The following SLC22A23 variants were observed in gnomAD, a reference collection of about 807,000 sequenced individuals.
The protein encoded by SLC22A23 is solute carrier family 22 member 23.
A neutral mutation model predicts 61.0 loss-of-function variants in SLC22A23; 26 were observed. That is an observed-to-expected ratio of 0.43 (90% CI 0.31 to 0.59). The LOEUF is 0.59. Among genes scored for constraint, SLC22A23 ranks in the 20% least tolerant of loss-of-function variants. The pLI is 0.11. For missense variants in SLC22A23, 796 were observed against 934.7 expected, an observed-to-expected ratio of 0.85 and a Z score of 1.94; for synonymous variants, 430 against 413.9, an observed-to-expected ratio of 1.04 and a Z score of -0.47.
intron 6 of SLC22A23, among the ~76,000 whole-genome samples, chr6:3,288,281 A>G (rs1006010043): frequency 1.3e-5 from 2 of 152,054 alleles, no homozygotes; most frequent in Admixed American, 6.6e-5. Context: ...TCTCTCCCCA[A>G]ACACCCTTTC....
At chr6:3,423,670 T>C (rs746004651) in intron 1 of SLC22A23, among the ~76,000 whole-genome samples, 7 of 152,228 alleles carry the variant, frequency 4.6e-5, no homozygotes, top group Non-Finnish European at 8.8e-5. Flanking sequence ...CAGCTATTAA[T>C]GCCCTGCAAG....
At chr6:3,379,423 A>G (rs1766811127) in intron 3 of SLC22A23, among the ~76,000 whole-genome samples, 2 of 152,168 alleles carry the variant, frequency 1.3e-5, no homozygotes, top group African/African-American at 2.4e-5. Flanking sequence ...TGAGATGTGT[A>G]TCTCCTGCTA....
Position 3,436,392 on chromosome 6 carries a change from T to G in SLC22A23, c.654+19514A>C, listed in dbSNP as rs190348177. ...CTCAGGTGACCCGCCCACCTTGGCC[T>G]CCCAAAGTGCTGGGATTACAGGCGT... On this transcript the variant is annotated intron_variant, in intron 1 of 9. Transcript: ENST00000406686. Among the ~76,000 whole-genome samples the G allele has an allele frequency of 1.3e-3, 203 of 152,284 alleles. 1 individual carries two copies. The highest frequency in any genetic ancestry group is 4.5e-3 in the African/African-American group (189 of 41,560).
rs868534143 is a variant in SLC22A23, at chr6:3,317,141, C to T, written c.1082+6693G>A. 7.9e-5 allele frequency among the ~76,000 whole-genome samples: 12 copies of T among 152,196 alleles called. No individual in the cohort carries two copies. Among genetic ancestry groups the T allele is most frequent in the African/African-American group, 2.9e-4 (12 of 41,450 alleles). On this transcript the variant is annotated intron_variant, in intron 4 of 9. Coordinates refer to ENST00000406686, the MANE Select transcript of SLC22A23 (RefSeq NM_015482.2). This position sits in a 1 kb window ranked among gnomAD's most constrained non-coding sequence, Gnocchi z 4.4. ...TTGTCATTCCTCAATAGTGAATTCC[C>T]GCGCAGGAAACTTGATGTCACCCTG...
chr6:3,298,326 T>C, intron 4 of SLC22A23, 108 bp from the exon 5 acceptor site: 1 of 1,312,368 alleles, frequency 7.6e-7, no homozygotes, highest in Non-Finnish European at 1.0e-6. Context: ...GCGGTCAGTC[T>C]CCAGACACGC....
intron 3 of SLC22A23, among the ~76,000 whole-genome samples, chr6:3,371,906 C>CA (rs1766242659): frequency 6.6e-6 from 1 of 152,032 alleles, no homozygotes; most frequent in Non-Finnish European, 1.5e-5. Context: ...TAACCTCTGA[C>CA]ACAGCATCGA....
Position 3,304,683 on chromosome 6 carries a change from G to A in SLC22A23, c.1083-6465C>T, listed in dbSNP as rs1761849254. On this transcript the variant is annotated intron_variant, in intron 4 of 9. Transcript: ENST00000406686. The surrounding 1 kb of genome is among the most constrained non-coding windows in gnomAD (Gnocchi z 4.3). ...GGTGGTCCAGGGGCTGGTCAGGGGA[G>A]GCTCTGGAGAGGCCGGGCTCTGCTT... is the stretch of plus-strand genomic sequence containing the variant. Among the ~76,000 whole-genome samples the A allele has an allele frequency of 6.6e-6, 1 of 152,140 alleles. No homozygotes were observed. The highest frequency in any genetic ancestry group is 1.5e-5 in the Non-Finnish European group (1 of 68,026).
Position 3,289,875 on chromosome 6 carries a change from A to C in SLC22A23, c.1211-9T>G. 1 of 1,613,106 alleles carries C rather than the reference A, an allele frequency of 6.2e-7. No individual in the cohort carries two copies. The highest frequency in any genetic ancestry group is 8.5e-7 in the Non-Finnish European group (1 of 1,179,586). On this transcript the variant is annotated splice_polypyrimidine_tract_variant and intron_variant, in intron 5 of 9. Coordinates refer to ENST00000406686, the MANE Select transcript of SLC22A23 (RefSeq NM_015482.2). ...AAGCTCTTTCTCCAGCTCTGCAAAG[A>C]AACAGACCCTGTGAGCCCTGGGCAG... is the stretch of plus-strand genomic sequence containing the variant.
Position 3,355,068 on chromosome 6 carries a change from A to G in SLC22A23, c.914-31066T>C, listed in dbSNP as rs1488281381. The stretch of plus-strand genomic sequence containing the variant: ...CCTACTACCGAGTTTATAAAAACAC[A>G]AACAAAAAAAACCAGCGCCTCTCCA... On this transcript the variant is annotated intron_variant, in intron 3 of 9. Transcript: ENST00000406686. 2.0e-5 allele frequency among the ~76,000 whole-genome samples: 3 copies of G among 151,856 alleles called. No homozygotes were observed. The East Asian group carries it at 5.8e-4, about 29-fold the overall frequency.
chr6:3,450,823 T>A (rs1303524569), intron 1 of SLC22A23, among the ~76,000 whole-genome samples: 1 of 152,192 alleles, frequency 6.6e-6, no homozygotes, highest in African/African-American at 2.4e-5. Flanking sequence ...ATAACTAGGA[T>A]CATGGAATTG....
chr6:3,341,802 A>G (rs1270873244), intron 3 of SLC22A23, among the ~76,000 whole-genome samples: 4 of 152,156 alleles, frequency 2.6e-5, no homozygotes, highest in South Asian at 2.1e-4. Flanking sequence ...GGAGCGCAGG[A>G]AACTGAACAC....
intron 3 of SLC22A23, among the ~76,000 whole-genome samples, chr6:3,364,054 A>G (rs548483323): frequency 6.6e-6 from 1 of 152,246 alleles, no homozygotes; most frequent in African/African-American, 2.4e-5. Flanking sequence ...ACATTTGTGC[A>G]TCTCACCCAA....
chr6:3,337,322 G>C (rs947845346), intron 3 of SLC22A23, among the ~76,000 whole-genome samples: 8 of 152,212 alleles, frequency 5.3e-5, no homozygotes, highest in African/African-American at 1.9e-4. Context: ...GCCATTTACA[G>C]AGCTGCCAGT....
chr6:3,275,936 A>C (rs531889300), intron 9 of SLC22A23, among the ~76,000 whole-genome samples: 1 of 152,276 alleles, frequency 6.6e-6, no homozygotes, highest in African/African-American at 2.4e-5. Flanking sequence ...GGCCAGACAC[A>C]GTGGCTCATG....
chr6:3,438,795 G>GTGCCTGC (rs1217663217), intron 1 of SLC22A23, among the ~76,000 whole-genome samples: 2 of 152,188 alleles, frequency 1.3e-5, no homozygotes, highest in Admixed American at 6.5e-5. Context: ...TGGGCTAAAC[G>GTGCCTGC]TGCCTGCTGC....
chr6:3,273,339 T>C lies in SLC22A23; in HGVS notation c.1777A>G (p.Asn593Asp). ...MLTAPIIELHNQKGYFLHHII... is the reference protein window; with the variant it reads ...MLTAPIIELHDQKGYFLHHII... Reference sequence around the variant, plus strand: ...TGGTGCAGGAAGTAGCCTTTCTGGTTGTGCAGCTCGATGATGGGTGCCGTC... The same window carrying C: ...TGGTGCAGGAAGTAGCCTTTCTGGTCGTGCAGCTCGATGATGGGTGCCGTC... Residue 593 changes from asparagine (N) to aspartate (D), a missense_variant, in exon 10 of 10, where the codon AAC becomes GAC. Asn to Asp is a conservative substitution (Grantham distance 23). Coordinates refer to ENST00000406686, the MANE Select transcript of SLC22A23 (RefSeq NM_015482.2). 2 of 1,614,012 alleles carry C rather than the reference T, an allele frequency of 1.2e-6. No homozygotes were observed. Among genetic ancestry groups the C allele is most frequent in the South Asian group, 2.2e-5 (2 of 91,084 alleles).
chr6:3,282,497 A>AAGT (rs1391806209), intron 9 of SLC22A23, among the ~76,000 whole-genome samples: 1 of 152,222 alleles, frequency 6.6e-6, no homozygotes, highest in African/African-American at 2.4e-5. Context: ...GAAATGTGGA[A>AAGT]AGTAAGAAAG....
intron 1 of SLC22A23, among the ~76,000 whole-genome samples, chr6:3,425,533 C>T (rs548532886): frequency 6.6e-6 from 1 of 152,256 alleles, no homozygotes; most frequent in Non-Finnish European, 1.5e-5. Flanking sequence ...ATCCGCCCAC[C>T]TCGGCCTCCC....
At chr6:3,380,248 T>C (rs1385909988) in intron 3 of SLC22A23, among the ~76,000 whole-genome samples, 1 of 152,172 alleles carries the variant, frequency 6.6e-6, no homozygotes, top group South Asian at 2.1e-4. Context: ...CTGAAATGAA[T>C]TGGTCTGGGT....
Sources: gnomAD v4.1 joint callset for allele counts (sites outside exome capture counted in the v4.1 genomes callset) on GRCh38, gnomAD v4.1.1 for gene constraint, Gnocchi (gnomAD v3.1) non-coding constraint, MANE v1.5 for transcripts, NCBI Gene and HGNC (gene_info 2026-07-23, HGNC 2026-07-21) for gene names.